Variants in PDE3A observed in about 807,000 individuals in gnomAD.
The protein encoded by PDE3A is cGMP-inhibited 3',5'-cyclic phosphodiesterase 3A.
In PDE3A, 43 loss-of-function variants were observed where a neutral mutation model predicts 98.3. The ratio of observed to expected loss-of-function variants is 0.44; its 90% CI spans 0.34 to 0.56. PDE3A has a LOEUF of 0.56. PDE3A is among the 20% of genes least tolerant of loss of function. The probability of loss-of-function intolerance (pLI) is 0.01; values close to 1 mark genes in which losing one functional copy is unlikely to be tolerated. For missense variants in PDE3A, 1,427 were observed against 1,440.7 expected (o/e 0.99, Z 0.15); for synonymous variants, 663 against 567.9 (o/e 1.17, Z -2.38).
chr12:20,428,467 G>A (rs1481690405), intron 1 of PDE3A, among the ~76,000 whole-genome samples: 1 of 151,980 alleles, frequency 6.6e-6, no homozygotes, highest in African/African-American at 2.4e-5. Flanking sequence ...ATTTTTAGTA[G>A]AGACGGGGTT....
chr12:20,588,907 T>A (rs1266755190), intron 2 of PDE3A, among the ~76,000 whole-genome samples: 1 of 152,094 alleles, frequency 6.6e-6, no homozygotes, highest in Non-Finnish European at 1.5e-5. Flanking sequence ...TTTTAATTCA[T>A]GGGGTTATCC....
chr12:20,402,598 T>C (rs1944153011), intron 1 of PDE3A, among the ~76,000 whole-genome samples: 1 of 152,196 alleles, frequency 6.6e-6, no homozygotes, highest in African/African-American at 2.4e-5. Flanking sequence ...GTAACAACTT[T>C]GAAAAATATT....
chr12:20,676,183 G>A (rs1320672011), intron 15 of PDE3A, among the ~76,000 whole-genome samples: 1 of 152,010 alleles, frequency 6.6e-6, no homozygotes, highest in Non-Finnish European at 1.5e-5. Flanking sequence ...ATACTTTCAA[G>A]TGTTTTCATA....
intron 1 of PDE3A, among the ~76,000 whole-genome samples, chr12:20,397,874 A>T (rs1223541357): frequency 6.6e-6 from 1 of 152,124 alleles, no homozygotes; most frequent in Non-Finnish European, 1.5e-5. Flanking sequence ...CAAAGTGGAC[A>T]TTGCAAATGA....
chr12:20,654,644 G>A (rs1035354208), intron 15 of PDE3A, among the ~76,000 whole-genome samples: 1 of 147,516 alleles, frequency 6.8e-6, no homozygotes. Context: ...CTACAGGTGC[G>A]CAACACTACA....
At chr12:20,634,626 G>A (rs575941273) in intron 7 of PDE3A, among the ~76,000 whole-genome samples, 51 of 152,182 alleles carry the variant, frequency 3.4e-4, no homozygotes, top group Middle Eastern at 3.4e-3. Flanking sequence ...ACATAAAGCT[G>A]TAGGATTTGT....
chr12:20,594,577 G>A lies in PDE3A; in HGVS notation c.1012-18866G>A, dbSNP rs374254084. 2.6e-4 allele frequency among the ~76,000 whole-genome samples: 40 copies of A among 151,592 alleles called. 1 individual carries two copies. In the South Asian group the frequency reaches 8.4e-3, roughly 32 times the overall value. ...CCTGGTACCTGAGCAAAATGCTGTG[G>A]GGTTAGAAAATGAGTATGAAATGAC... On this transcript the variant is annotated intron_variant, in intron 2 of 15. Coordinates refer to ENST00000359062, the MANE Select transcript of PDE3A (RefSeq NM_000921.5).
intron 10 of PDE3A, 141 bp downstream of exon 10, chr12:20,640,098 G>T (rs1944611339): frequency 3.8e-6 from 2 of 521,974 alleles, no homozygotes; most frequent in Non-Finnish European, 7.0e-6. Context: ...TGGTGATTAG[G>T]AAATATCGCC....
Position 20,485,674 on chromosome 12 carries a change from A to G in PDE3A, c.961-70986A>G, listed in dbSNP as rs115957681. ...GAAAACTAGCACATTTTAAGGATTC[A>G]CCTATCTACATTTACATGAAATCAA... On this transcript the variant is annotated intron_variant, in intron 1 of 15. Transcript: ENST00000359062. 3.4e-3 allele frequency among the ~76,000 whole-genome samples: 521 copies of G among 152,282 alleles called. 4 individuals are homozygous for G. Among genetic ancestry groups the G allele is most frequent in the African/African-American group, 0.012 (497 of 41,558 alleles).
chr12:20,375,414 G>A (rs1943552478), intron 1 of PDE3A, among the ~76,000 whole-genome samples: 1 of 151,828 alleles, frequency 6.6e-6, no homozygotes, highest in South Asian at 2.1e-4. Context: ...ATGTATGTTT[G>A]TGCTGTTATT....
chr12:20,499,384 G>A (rs1369712589), intron 1 of PDE3A, among the ~76,000 whole-genome samples: 1 of 152,108 alleles, frequency 6.6e-6, no homozygotes, highest in Non-Finnish European at 1.5e-5. Flanking sequence ...ACTTTCATAA[G>A]GATGCCGATT....
At position 20,688,285 on chromosome 12, in the gene PDE3A, TATC is replaced by T. The variant is rs1445686906; in HGVS notation, c.*8018_*8020del. The stretch of plus-strand genomic sequence containing the variant: ...ATTTAATATATGTAGCAATACTTAG[TATC>T]ATCCCATCACAAGTATTGTTAGGCG... On this transcript the variant is annotated 3_prime_UTR_variant, in exon 16 of 16. Transcript: ENST00000359062. Among the ~76,000 whole-genome samples, 1 of 152,008 alleles carries T rather than the reference TATC, an allele frequency of 6.6e-6. No homozygotes were observed. The highest frequency in any genetic ancestry group is 1.5e-5 in the Non-Finnish European group (1 of 67,956).
chr12:20,434,050 A>G (rs1944740611), intron 1 of PDE3A, among the ~76,000 whole-genome samples: 1 of 152,204 alleles, frequency 6.6e-6, no homozygotes, highest in African/African-American at 2.4e-5. Flanking sequence ...TTTCTGATGC[A>G]GGTGGTGTTA....
At chr12:20,650,358 G>T (rs1944887984) in intron 13 of PDE3A, 87 bp from the exon 14 acceptor site, 2 of 781,970 alleles carry the variant, frequency 2.6e-6, no homozygotes, top group African/African-American at 1.7e-5. Context: ...ATAATATGAA[G>T]ACAATAAATG....
intron 1 of PDE3A, among the ~76,000 whole-genome samples, chr12:20,393,056 G>C (rs543489785): frequency 2.0e-5 from 3 of 152,056 alleles, no homozygotes; most frequent in Admixed American, 6.6e-5. Context: ...TCTAGTATTT[G>C]ATAGCACAGC....
At chr12:20,521,173 A>G (rs1946418425) in intron 1 of PDE3A, among the ~76,000 whole-genome samples, 1 of 149,726 alleles carries the variant, frequency 6.7e-6, no homozygotes, top group African/African-American at 2.5e-5. Context: ...TGTAAGAATC[A>G]GGTTCATGTG....
At chr12:20,388,259 G>A (rs1159550522) in intron 1 of PDE3A, among the ~76,000 whole-genome samples, 1 of 151,946 alleles carries the variant, frequency 6.6e-6, no homozygotes, top group Non-Finnish European at 1.5e-5. Flanking sequence ...GTCCCAGATG[G>A]CTGGACAGGC....
intron 12 of PDE3A, among the ~76,000 whole-genome samples, chr12:20,648,314 A>AT (rs1371327524): frequency 6.7e-6 from 1 of 149,958 alleles, no homozygotes; most frequent in Non-Finnish European, 1.5e-5. Flanking sequence ...TGTAAATATA[A>AT]TTTTTTTCTT....
intron 1 of PDE3A, among the ~76,000 whole-genome samples, chr12:20,390,411 T>A (rs1943890688): frequency 6.7e-6 from 1 of 149,082 alleles, no homozygotes; most frequent in East Asian, 2.0e-4. Context: ...GTAGAGACAT[T>A]GAAGATTTAT....
Sources: allele counts gnomAD v4.1 joint callset (sites outside exome capture counted in the v4.1 genomes callset), GRCh38; gene constraint gnomAD v4.1.1; transcripts MANE v1.5; gene names NCBI Gene and HGNC (gene_info 2026-07-23, HGNC 2026-07-21).